The following MGLL variants were observed in gnomAD, a reference collection of about 807,000 sequenced individuals.
MGLL encodes the protein monoglyceride lipase.
MGLL carries 7 observed loss-of-function variants against 29.1 expected under a neutral mutation model. The ratio of observed to expected loss-of-function variants is 0.24; its 90% CI spans 0.14 to 0.45. The LOEUF (loss-of-function observed/expected upper bound fraction) is 0.45. Ranked by LOEUF, MGLL falls within the 20% of genes least tolerant of loss-of-function variation. MGLL has a pLI of 0.99. For missense variants in MGLL, 356 were observed against 413.6 expected, an observed-to-expected ratio of 0.86 and a Z score of 1.21; for synonymous variants, 148 against 168.3, an observed-to-expected ratio of 0.88 and a Z score of 0.93.
Position 127,735,892 on chromosome 3 carries a change from C to T in MGLL, c.263-13326G>A, listed in dbSNP as rs533269998. Reference sequence around the variant, plus strand: ...CTTACAAGGATTTTCTCCTGTTCAGCTCTGCAAAGAGATGGGGCAGCTGGT... The same window carrying T: ...CTTACAAGGATTTTCTCCTGTTCAGTTCTGCAAAGAGATGGGGCAGCTGGT... On this transcript the variant is annotated intron_variant, in intron 3 of 7. Coordinates refer to ENST00000265052, the MANE Select transcript of MGLL (RefSeq NM_007283.7). The T allele has an allele frequency of 3.0e-5, 47 of 1,557,164 alleles. No homozygotes were observed. In the African/African-American group the frequency reaches 5.7e-4, roughly 19 times the overall value.
intron 2 of MGLL, among the ~76,000 whole-genome samples, chr3:127,799,117 A>T (rs2077433933): frequency 6.6e-6 from 1 of 152,198 alleles, no homozygotes; most frequent in Non-Finnish European, 1.5e-5. Flanking sequence ...AGAACATGTA[A>T]TGCAAATTGC....
intron 7 of MGLL, among the ~76,000 whole-genome samples, chr3:127,693,460 C>T (rs1426593015): frequency 1.3e-5 from 2 of 152,196 alleles, no homozygotes; most frequent in South Asian, 2.1e-4. Context: ...CCCTGCCCCC[C>T]GCCACCAGCG....
Position 127,788,483 on chromosome 3 carries a change from C to T in MGLL, c.156-6588G>A, listed in dbSNP as rs115085301. Among the ~76,000 whole-genome samples the T allele has an allele frequency of 7.5e-3, 1,139 of 152,236 alleles. 9 individuals carry two copies. Among genetic ancestry groups the T allele is most frequent in the Non-Finnish European group, 0.01 (701 of 68,022 alleles). ...GTAATTAAATAATAAGACAACACCACGTAATGGTCAGGTCATGCCCCAAAA... is the reference window on the plus strand; with the variant it reads ...GTAATTAAATAATAAGACAACACCATGTAATGGTCAGGTCATGCCCCAAAA... On this transcript the variant is annotated intron_variant, in intron 2 of 7. Transcript: ENST00000265052.
chr3:127,760,605 C>T (rs1316612094), intron 3 of MGLL, among the ~76,000 whole-genome samples: 7 of 152,220 alleles, frequency 4.6e-5, no homozygotes, highest in Non-Finnish European at 1.0e-4. Flanking sequence ...ATTCCTGGAG[C>T]CGCTGCGGCA....
At chr3:127,739,902 T>C (rs2076306469) in intron 3 of MGLL, among the ~76,000 whole-genome samples, 1 of 152,172 alleles carries the variant, frequency 6.6e-6, no homozygotes. Flanking sequence ...TGCTGGCCAG[T>C]GTCTAGGTGA....
chr3:127,737,670 G>C (rs2076267794), intron 3 of MGLL, among the ~76,000 whole-genome samples: 1 of 76,824 alleles, frequency 1.3e-5, no homozygotes, highest in African/African-American at 7.6e-5. Flanking sequence ...GTGAGACAGG[G>C]TTTTGCTCTT....
chr3:127,730,877 G>A lies in MGLL; in HGVS notation c.263-8311C>T, dbSNP rs181739137. Among the ~76,000 whole-genome samples the A allele has an allele frequency of 2.9e-3, 435 of 152,310 alleles. 1 individual carries two copies. The highest frequency in any genetic ancestry group is 0.01 in the African/African-American group (424 of 41,550). ...GATGATGTTTGTGTGGACTTGGGGA[G>A]GGAATGCACCGTGCATGTGCCCATG... On this transcript the variant is annotated intron_variant, in intron 3 of 7. Coordinates refer to ENST00000265052, the MANE Select transcript of MGLL (RefSeq NM_007283.7).
Position 127,721,158 on chromosome 3 carries a change from G to T in MGLL, c.405C>A (p.Gly135=). The part of the protein sequence containing the change: ...PVFLLGHSMG[G]AIAILTAAER... ...CTGCGGCCGTGAGGATGGCGATGGC[G>T]CCTCCCTGTAATGCAGAATGGGCAG... Residue 135 remains glycine, a synonymous_variant, in exon 5 of 8, where the codon GGC becomes GGA. Coordinates refer to ENST00000265052, the MANE Select transcript of MGLL (RefSeq NM_007283.7). 6.2e-7 allele frequency: 1 copy of T among 1,613,984 alleles called. No homozygotes were observed. The highest frequency in any genetic ancestry group is 8.5e-7 in the Non-Finnish European group (1 of 1,179,908).
rs11538698 is a variant in MGLL at position 127,821,792 on chromosome 3, C to T, written c.57G>A (p.Arg19=). The change falls in exon 2 of 8, where the codon CGG becomes CGA. Residue 19 remains arginine, a synonymous_variant. Coordinates refer to ENST00000265052, the MANE Select transcript of MGLL (RefSeq NM_007283.7). The part of the protein sequence containing the change: ...SSMPEESSPR[R]TPQSIPYQDL... ...CCTGGTAGGGAATGCTCTGCGGGGT[C>T]CGCCTGGGGGAACTTTCCTCTGGCA... 57,185 of 1,613,988 alleles carry T rather than the reference C, an allele frequency of 0.035. 1,135 individuals are homozygous for T. Among genetic ancestry groups the T allele is most frequent in the Non-Finnish European group, 0.041 (48,004 of 1,179,904 alleles).
intron 5 of MGLL, among the ~76,000 whole-genome samples, chr3:127,717,176 C>G (rs2075832360): frequency 6.6e-6 from 1 of 152,194 alleles, no homozygotes. Context: ...GATCCTGGGT[C>G]CAAATTCACC....
At chr3:127,742,226 T>A (rs892644454) in intron 3 of MGLL, among the ~76,000 whole-genome samples, 1 of 152,130 alleles carries the variant, frequency 6.6e-6, no homozygotes, top group Non-Finnish European at 1.5e-5. Context: ...TTGAAAAAAA[T>A]GTCCTTATTA....
At chr3:127,758,470 G>A (rs1381833360) in intron 3 of MGLL, among the ~76,000 whole-genome samples, 1 of 152,218 alleles carries the variant, frequency 6.6e-6, no homozygotes, top group African/African-American at 2.4e-5. Flanking sequence ...CACGAATGAG[G>A]CTTGGAGATG....
chr3:127,771,771 G>A (rs1334780341), intron 3 of MGLL, among the ~76,000 whole-genome samples: 1 of 152,186 alleles, frequency 6.6e-6, no homozygotes, highest in African/African-American at 2.4e-5. Flanking sequence ...GTTAACTCAA[G>A]GGGCATTTGA....
At chr3:127,781,497 C>G (rs2077125213) in intron 3 of MGLL, among the ~76,000 whole-genome samples, 1 of 152,188 alleles carries the variant, frequency 6.6e-6, no homozygotes, top group Non-Finnish European at 1.5e-5. Context: ...TGAGAGAAAG[C>G]ACTTTATAAA....
intron 6 of MGLL, among the ~76,000 whole-genome samples, chr3:127,703,894 G>C (rs779041893): frequency 6.6e-6 from 1 of 152,168 alleles, no homozygotes; most frequent in Non-Finnish European, 1.5e-5. Context: ...ACCCAATTAG[G>C]AAATGAGCAA....
intron 2 of MGLL, among the ~76,000 whole-genome samples, chr3:127,803,016 G>A (rs2077504806): frequency 6.6e-6 from 1 of 151,392 alleles, no homozygotes; most frequent in Admixed American, 6.6e-5. Context: ...GTCTTGCTCT[G>A]TCACCCAGGC....
At chr3:127,721,368 A>G (rs956693642) in intron 4 of MGLL, among the ~76,000 whole-genome samples, 1 of 152,220 alleles carries the variant, frequency 6.6e-6, no homozygotes, top group African/African-American at 2.4e-5. Context: ...TGGGTTTTCC[A>G]AGAGCAAACA....
intron 2 of MGLL, among the ~76,000 whole-genome samples, chr3:127,821,256 A>C (rs1391328803): frequency 6.6e-6 from 1 of 152,188 alleles, no homozygotes; most frequent in Non-Finnish European, 1.5e-5. Context: ...TCCTGGTGAC[A>C]CATGTATGCC....
At chr3:127,801,253 G>A (rs1408510848) in intron 2 of MGLL, among the ~76,000 whole-genome samples, 1 of 145,380 alleles carries the variant, frequency 6.9e-6, no homozygotes, top group Non-Finnish European at 1.5e-5. Flanking sequence ...AGTGAGCCGA[G>A]ATAGCGCCAT....
Sources: gnomAD v4.1 joint callset for allele counts (sites outside exome capture counted in the v4.1 genomes callset) on GRCh38, gnomAD v4.1.1 for gene constraint, MANE v1.5 for transcripts, NCBI Gene and HGNC (gene_info 2026-07-23, HGNC 2026-07-21) for gene names.